CAMK1D: variants seen among roughly 807,000 people sequenced by gnomAD.
The protein encoded by CAMK1D is calcium/calmodulin-dependent protein kinase type 1D.
Under a neutral mutation model 47.7 loss-of-function variants are expected in CAMK1D, and 9 were observed. That is an observed-to-expected ratio of 0.19 (90% CI 0.11 to 0.33). The LOEUF (loss-of-function observed/expected upper bound fraction) is 0.33. CAMK1D is among the 10% of genes least tolerant of loss of function. The pLI, the probability that CAMK1D is intolerant of heterozygous loss-of-function variation, is 1.00. For synonymous variants in CAMK1D, 184 were observed against 184.9 expected (o/e 0.99, Z 0.04); for missense variants, 291 against 488.7 (o/e 0.60, Z 3.81).
chr10:12,769,923 T>G, intron 5 of CAMK1D, 124 bp downstream of exon 5: 1 of 1,019,186 alleles, frequency 9.8e-7, no homozygotes, highest in South Asian at 1.7e-5. Flanking sequence ...CACAGCTGCC[T>G]TCACTTCCCC....
chr10:12,801,372 A>ATCTATCTATCTATCTG, intron 6 of CAMK1D, among the ~76,000 whole-genome samples: 1 of 147,414 alleles, frequency 6.8e-6, no homozygotes, highest in South Asian at 2.2e-4. Context: ...CTATCTATCT[A>ATCTATCTATCTATCTG]TCTATCTATC....
At chr10:12,769,924 T>C in intron 5 of CAMK1D, 125 bp downstream of exon 5, 1 of 1,004,674 alleles carries the variant, frequency 1.0e-6, no homozygotes, top group Non-Finnish European at 1.5e-6. Context: ...ACAGCTGCCT[T>C]CACTTCCCCT....
At chr10:12,523,403 G>A (rs1160205857) in intron 1 of CAMK1D, among the ~76,000 whole-genome samples, 2 of 152,208 alleles carry the variant, frequency 1.3e-5, no homozygotes, top group Non-Finnish European at 2.9e-5. Flanking sequence ...CGGCTGGGAG[G>A]TGGAGGTTGT....
At chr10:12,350,284 T>A (rs1429684291) in intron 1 of CAMK1D, among the ~76,000 whole-genome samples, 1 of 152,242 alleles carries the variant, frequency 6.6e-6, no homozygotes, top group Non-Finnish European at 1.5e-5. Flanking sequence ...GCCGTGTGCA[T>A]GGGCGCACCG....
At chr10:12,590,634 G>A (rs2132360529) in intron 2 of CAMK1D, among the ~76,000 whole-genome samples, 1 of 152,310 alleles carries the variant, frequency 6.6e-6, no homozygotes, top group Non-Finnish European at 1.5e-5. Context: ...AAAACACAAT[G>A]TGATTTGTTT....
intron 3 of CAMK1D, among the ~76,000 whole-genome samples, chr10:12,672,633 G>A (rs10906200): frequency 0.88 from 133,722 of 152,070 alleles, 59,024 homozygotes; most frequent in Non-Finnish European, 0.92. Context: ...AGCCTCCCAA[G>A]GTGCTGGGAT....
At chr10:12,640,173 AGAGACTCCAGCTTGGGAGTCT>A (rs1839627758) in intron 2 of CAMK1D, among the ~76,000 whole-genome samples, 1 of 152,094 alleles carries the variant, frequency 6.6e-6, no homozygotes. Flanking sequence ...GCTTTGCTTG[AGAGACTCCAGCTTGGGAGTCT>A]GTTTCTCCAA....
intron 2 of CAMK1D, among the ~76,000 whole-genome samples, chr10:12,560,803 G>A (rs1004065748): frequency 3.9e-5 from 6 of 152,072 alleles, no homozygotes; most frequent in African/African-American, 9.7e-5. Flanking sequence ...GAAAAGTAAC[G>A]GTTGAAAGCC....
chr10:12,653,180 A>G (rs1157359830), intron 2 of CAMK1D: 3 of 154,278 alleles, frequency 1.9e-5, no homozygotes, highest in Non-Finnish European at 2.9e-5. Flanking sequence ...TCCTCTTAAA[A>G]AACCACCAGC....
Position 12,547,080 on chromosome 10 carries a change from C to T in CAMK1D, c.93-6145C>T, listed in dbSNP as rs532457710. Among the ~76,000 whole-genome samples, 223 of 152,186 alleles carry T rather than the reference C, an allele frequency of 1.5e-3. 1 individual carries two copies. Among genetic ancestry groups the T allele is most frequent in the African/African-American group, 5.1e-3 (210 of 41,504 alleles). ...ACAGACTAGAAAGAAGGAAAGGTTG[C>T]AGATGAAACCTTGGGGGCCCATTGA... On this transcript the variant is annotated intron_variant, in intron 1 of 10. Coordinates refer to ENST00000619168, the MANE Select transcript of CAMK1D (RefSeq NM_153498.4).
intron 2 of CAMK1D, among the ~76,000 whole-genome samples, chr10:12,639,543 C>T (rs1839610115): frequency 6.6e-6 from 1 of 151,706 alleles, no homozygotes; most frequent in Non-Finnish European, 1.5e-5. Flanking sequence ...CTCATCCTTG[C>T]TTAAATTTTT....
At chr10:12,410,282 T>A (rs1458928413) in intron 1 of CAMK1D, among the ~76,000 whole-genome samples, 1 of 152,218 alleles carries the variant, frequency 6.6e-6, no homozygotes, top group East Asian at 1.9e-4. Flanking sequence ...TCTGTCTCTT[T>A]CTGTGTGTGT....
At position 12,743,722 on chromosome 10, in the gene CAMK1D, T is replaced by C. The variant is rs116187851; in HGVS notation, c.300-17226T>C. 1.1e-3 allele frequency among the ~76,000 whole-genome samples: 164 copies of C among 152,258 alleles called. 2 individuals carry two copies. Among genetic ancestry groups the C allele is most frequent in the African/African-American group, 3.9e-3 (162 of 41,546 alleles). On this transcript the variant is annotated intron_variant, in intron 3 of 10. Transcript: ENST00000619168. ...GGCAGTCATGAATCTACATTCTCTC[T>C]AAAGATTTGCCTGTTCCGGGCCAGG...
At chr10:12,675,605 C>T (rs1840780229) in intron 3 of CAMK1D, among the ~76,000 whole-genome samples, 1 of 152,236 alleles carries the variant, frequency 6.6e-6, no homozygotes, top group South Asian at 2.1e-4. Flanking sequence ...ACCTACCACT[C>T]TTTTCCAAAC....
intron 1 of CAMK1D, among the ~76,000 whole-genome samples, chr10:12,468,180 C>T (rs1030389122): frequency 8.5e-5 from 13 of 152,190 alleles, no homozygotes; most frequent in African/African-American, 2.7e-4. Flanking sequence ...CTCAGCTTCC[C>T]GAGTAGCTGG....
At chr10:12,596,705 G>A (rs1032301238) in intron 2 of CAMK1D, among the ~76,000 whole-genome samples, 12 of 152,028 alleles carry the variant, frequency 7.9e-5, no homozygotes, top group South Asian at 4.2e-4. Context: ...TTTGGATGCC[G>A]AAATCCCATG....
At chr10:12,712,470 C>T (rs967254946) in intron 3 of CAMK1D, among the ~76,000 whole-genome samples, 2 of 151,030 alleles carry the variant, frequency 1.3e-5, no homozygotes, top group Admixed American at 6.6e-5. Context: ...GTATTTCTCA[C>T]AGTTCTGGAG....
intron 1 of CAMK1D, among the ~76,000 whole-genome samples, chr10:12,359,203 C>T (rs1837592021): frequency 6.6e-6 from 1 of 152,186 alleles, no homozygotes; most frequent in Non-Finnish European, 1.5e-5. Context: ...CAGGATGACA[C>T]TTGGACCTAA....
chr10:12,514,650 C>A (rs1046182991), intron 1 of CAMK1D, among the ~76,000 whole-genome samples: 16 of 152,198 alleles, frequency 1.1e-4, no homozygotes, highest in Non-Finnish European at 2.4e-4. Context: ...CAACTTAGTT[C>A]CATGGGTTCC....
Sources: allele counts gnomAD v4.1 joint callset (sites outside exome capture counted in the v4.1 genomes callset), GRCh38; gene constraint gnomAD v4.1.1; transcripts MANE v1.5; gene names NCBI Gene and HGNC (gene_info 2026-07-23, HGNC 2026-07-21).